Variants in RAB2A observed in about 807,000 individuals in gnomAD.
RAB2A encodes the protein RAB2A, member RAS oncogene family, also known as ras-related protein Rab-2A.
A neutral mutation model predicts 32.5 loss-of-function variants in RAB2A; 7 were observed. The observed-to-expected ratio is 0.22, with a 90% CI of 0.12 to 0.40. RAB2A has a LOEUF of 0.40. Ranked by LOEUF, RAB2A falls within the 10% of genes least tolerant of loss-of-function variation. The pLI is 1.00. For synonymous variants in RAB2A, 79 were observed against 85.2 expected (o/e 0.93, Z 0.40); for missense variants, 108 against 260.7 (o/e 0.41, Z 4.03).
intron 6 of RAB2A, among the ~76,000 whole-genome samples, chr8:60,613,838 A>G (rs181496789): frequency 1.6e-4 from 24 of 152,326 alleles, no homozygotes; most frequent in Non-Finnish European, 2.8e-4. Flanking sequence ...AGGCAAATGG[A>G]TAACTGTAAT....
intron 1 of RAB2A, among the ~76,000 whole-genome samples, chr8:60,526,042 TATATATATATATA>T (rs2130807001): frequency 1.6e-5 from 2 of 128,266 alleles, no homozygotes; most frequent in East Asian, 4.9e-4. Context: ...TATATATATA[TATATATATATATA>T]TAAGTTTTCT....
intron 1 of RAB2A, among the ~76,000 whole-genome samples, chr8:60,557,787 G>A (rs1224887585): frequency 1.3e-5 from 2 of 151,800 alleles, no homozygotes; most frequent in Non-Finnish European, 2.9e-5. Context: ...GCCCAGGCTG[G>A]TCTTGAACTC....
intron 7 of RAB2A, 88 bp from the exon 8 acceptor site, chr8:60,620,586 G>T (rs147957071): frequency 2.1e-6 from 2 of 948,332 alleles, no homozygotes; most frequent in Non-Finnish European, 1.7e-6. Context: ...TGATAAAATT[G>T]TATCATAAAG....
chr8:60,560,143 G>A (rs1807999242), intron 2 of RAB2A, among the ~76,000 whole-genome samples: 1 of 152,118 alleles, frequency 6.6e-6, no homozygotes, highest in Non-Finnish European at 1.5e-5. Flanking sequence ...AGAGTGAGGT[G>A]CGGTGGTGCA....
At chr8:60,597,689 G>A (rs1044651901) in intron 6 of RAB2A, among the ~76,000 whole-genome samples, 3 of 152,044 alleles carry the variant, frequency 2.0e-5, no homozygotes, top group Non-Finnish European at 4.4e-5. Context: ...AAATAGAAAG[G>A]AGGGAATATT....
intron 1 of RAB2A, among the ~76,000 whole-genome samples, chr8:60,526,853 C>T (rs1807399443): frequency 6.6e-6 from 1 of 151,706 alleles, no homozygotes; most frequent in South Asian, 2.1e-4. Context: ...CCTGTAATCC[C>T]AGCTACTTGG....
intron 1 of RAB2A, among the ~76,000 whole-genome samples, chr8:60,526,983 A>G (rs1807402169): frequency 6.6e-6 from 1 of 152,060 alleles, no homozygotes; most frequent in African/African-American, 2.4e-5. Flanking sequence ...AAAAAAAAAA[A>G]AAAAGAAGTA....
At chr8:60,563,176 T>C (rs1231156935) in intron 2 of RAB2A, among the ~76,000 whole-genome samples, 1 of 152,192 alleles carries the variant, frequency 6.6e-6, no homozygotes, top group Non-Finnish European at 1.5e-5. Flanking sequence ...ACTAAGAAGG[T>C]ATTAAATGAT....
At position 60,618,563 on chromosome 8, in the gene RAB2A, A is replaced by G. The variant is rs768370939; in HGVS notation, c.475-17A>G. On this transcript the variant is annotated splice_polypyrimidine_tract_variant and intron_variant, in intron 6 of 7. Transcript: ENST00000262646. ...CTTTGGTTTTATATAATATGAACCA[A>G]TTTCTCTATATTTCAGGCATTTATT... is the stretch of plus-strand genomic sequence containing the variant. The G allele has an allele frequency of 8.4e-7, 1 of 1,183,650 alleles. No individual in the cohort carries two copies. Among genetic ancestry groups the G allele is most frequent in the South Asian group, 1.8e-5 (1 of 56,986 alleles). 73.3% of individuals were successfully genotyped at this position (1,183,650 alleles called of 1,614,324 possible). A position where few individuals can be genotyped will look rare whatever the true frequency, so the allele number is the denominator to read the frequency against.
intron 1 of RAB2A, among the ~76,000 whole-genome samples, chr8:60,548,657 C>T (rs1287834512): frequency 1.4e-5 from 2 of 146,930 alleles, no homozygotes; most frequent in Non-Finnish European, 3.0e-5. Flanking sequence ...CCCCCCACCT[C>T]CCTCCCGGAC....
chr8:60,587,262 AG>A (rs1222402668), intron 5 of RAB2A, among the ~76,000 whole-genome samples: 2 of 152,236 alleles, frequency 1.3e-5, no homozygotes, highest in Non-Finnish European at 2.9e-5. Flanking sequence ...TAGTTGAAGA[AG>A]GGGTAATCTT....
chr8:60,585,282 T>G (rs529084766), intron 5 of RAB2A, among the ~76,000 whole-genome samples: 16 of 148,538 alleles, frequency 1.1e-4, no homozygotes, highest in African/African-American at 3.3e-4. Flanking sequence ...GGCACCATTC[T>G]TTTTGTTTTG....
chr8:60,614,079 C>G (rs954456121), intron 6 of RAB2A, among the ~76,000 whole-genome samples: 1 of 151,858 alleles, frequency 6.6e-6, no homozygotes, highest in Non-Finnish European at 1.5e-5. Flanking sequence ...TATTGAAGAT[C>G]ATTTATTTTC....
At chr8:60,518,596 C>CAAAAA (rs59503766) in intron 1 of RAB2A, among the ~76,000 whole-genome samples, 5 of 45,516 alleles carry the variant, frequency 1.1e-4, no homozygotes, top group African/African-American at 3.4e-4. Flanking sequence ...GTGGAGTTTG[C>CAAAAA]AAAAAAAAAA....
chr8:60,576,253 A>G (rs1803624908), intron 3 of RAB2A: 2 of 456,320 alleles, frequency 4.4e-6, no homozygotes, highest in Non-Finnish European at 8.8e-6. Flanking sequence ...AAGAAGAAAC[A>G]TACGTTGCCC....
chr8:60,529,998 T>C (rs1383339561), intron 1 of RAB2A, among the ~76,000 whole-genome samples: 1 of 152,056 alleles, frequency 6.6e-6, no homozygotes, highest in Non-Finnish European at 1.5e-5. Context: ...TGAGACAGGG[T>C]CTTGCTCTGT....
At chr8:60,549,823 C>G (rs1404021374) in intron 1 of RAB2A, among the ~76,000 whole-genome samples, 1 of 151,076 alleles carries the variant, frequency 6.6e-6, no homozygotes, top group African/African-American at 2.4e-5. Flanking sequence ...GGATTCCTTT[C>G]TAGAAGTTGT....
intron 1 of RAB2A, chr8:60,558,533 G>C: frequency 2.0e-6 from 1 of 495,048 alleles, no homozygotes; most frequent in Non-Finnish European, 4.0e-6. Context: ...AAAAACAAAA[G>C]TGCACAAAAA....
At chr8:60,555,507 C>G (rs1807923661) in intron 1 of RAB2A, among the ~76,000 whole-genome samples, 1 of 151,082 alleles carries the variant, frequency 6.6e-6, no homozygotes, top group Non-Finnish European at 1.5e-5. Context: ...ACAAGGAACT[C>G]AACAATAAAA....
Sources: gnomAD v4.1 joint callset for allele counts (sites outside exome capture counted in the v4.1 genomes callset) on GRCh38, gnomAD v4.1.1 for gene constraint, MANE v1.5 for transcripts, NCBI Gene and HGNC (gene_info 2026-07-23, HGNC 2026-07-21) for gene names.